Variants in COL23A1 observed in about 807,000 individuals in gnomAD.
The protein encoded by COL23A1 is collagen type XXIII alpha 1 chain.
In COL23A1, 97 loss-of-function variants were observed where a neutral mutation model predicts 99.3. The observed-to-expected ratio is 0.98, with a 90% CI of 0.83 to 1.16. The LOEUF (loss-of-function observed/expected upper bound fraction) is 1.16, where lower values mean the gene tolerates loss of function less well. Among genes scored for constraint, COL23A1 ranks in the 50% most tolerant of loss-of-function variants. The probability of loss-of-function intolerance (pLI) is 0.00; values close to 1 mark genes in which losing one functional copy is unlikely to be tolerated. For missense variants in COL23A1, 762 were observed against 757.4 expected (o/e 1.01, Z -0.07); for synonymous variants, 320 against 308.2 (o/e 1.04, Z -0.40).
chr5:178,389,547 C>G (rs1763854198), intron 2 of COL23A1, among the ~76,000 whole-genome samples: 1 of 152,220 alleles, frequency 6.6e-6, no homozygotes, highest in Non-Finnish European at 1.5e-5. Context: ...ACAGAGGGTG[C>G]CCACTGACAC....
At chr5:178,248,424 G>A (rs1764831931) in intron 19 of COL23A1, among the ~76,000 whole-genome samples, 170 bp from the exon 20 acceptor site, 1 of 152,170 alleles carries the variant, frequency 6.6e-6, no homozygotes, top group South Asian at 2.1e-4. Flanking sequence ...CCCGGGTGGT[G>A]GGCAGTGTGG....
At chr5:178,569,728 T>C (rs1306592442) in intron 1 of COL23A1, among the ~76,000 whole-genome samples, 1 of 152,188 alleles carries the variant, frequency 6.6e-6, no homozygotes, top group East Asian at 1.9e-4. Context: ...CAAGTTCATG[T>C]GGTTCCTCCT....
At chr5:178,286,948 C>T (rs569547991) in intron 5 of COL23A1, among the ~76,000 whole-genome samples, 11 of 152,352 alleles carry the variant, frequency 7.2e-5, no homozygotes, top group Admixed American at 1.3e-4. Flanking sequence ...CAGAGTAACC[C>T]GGGGTGAAGG....
At chr5:178,539,664 C>T (rs1761185170) in intron 2 of COL23A1, among the ~76,000 whole-genome samples, 1 of 151,672 alleles carries the variant, frequency 6.6e-6, no homozygotes, top group Non-Finnish European at 1.5e-5. Context: ...AAATTCTAGG[C>T]CTGGATATTT....
At position 178,280,517 on chromosome 5, in the gene COL23A1, T is replaced by C. The variant is rs1216075615; in HGVS notation, c.441+7807A>G. 6.6e-6 allele frequency among the ~76,000 whole-genome samples: 1 copy of C among 152,132 alleles called. No individual in the cohort carries two copies. Among genetic ancestry groups the C allele is most frequent in the East Asian group, 1.9e-4 (1 of 5,198 alleles). ...TGGACATCGTGCCAGCCCTGGGTCC[T>C]GGTCGGGGGCAGCTTCATACCAAAA... is the stretch of plus-strand genomic sequence containing the variant. On this transcript the variant is annotated intron_variant, in intron 5 of 28. Transcript: ENST00000390654. The surrounding 1 kb of genome is among the most constrained non-coding windows in gnomAD (Gnocchi z 4.9).
intron 2 of COL23A1, among the ~76,000 whole-genome samples, chr5:178,492,333 C>A (rs148339180): frequency 6.6e-6 from 1 of 152,066 alleles, no homozygotes; most frequent in East Asian, 1.9e-4. Context: ...CCTACCCCAA[C>A]GGGACCAGTG....
At chr5:178,242,293 C>CTCCT in intron 26 of COL23A1, 48 bp downstream of exon 26, 2 of 1,595,168 alleles carry the variant, frequency 1.3e-6, no homozygotes, top group Non-Finnish European at 1.7e-6. Flanking sequence ...TCCCACCTGC[C>CTCCT]TCCTTCCCCC....
chr5:178,444,537 G>A (rs111783876), intron 2 of COL23A1, among the ~76,000 whole-genome samples: 4,214 of 152,242 alleles, frequency 0.028, 196 homozygotes, highest in African/African-American at 0.095. Context: ...GCTTACAGCT[G>A]TAATCCCAGC....
At chr5:178,491,219 G>T (rs2127969716) in intron 2 of COL23A1, among the ~76,000 whole-genome samples, 1 of 152,208 alleles carries the variant, frequency 6.6e-6, no homozygotes, top group Non-Finnish European at 1.5e-5. Context: ...ACAGTGTGTT[G>T]TTCCCAGAAC....
At chr5:178,514,192 C>T (rs1360717991) in intron 2 of COL23A1, among the ~76,000 whole-genome samples, 1 of 152,196 alleles carries the variant, frequency 6.6e-6, no homozygotes, top group Non-Finnish European at 1.5e-5. Context: ...TTATTTCACT[C>T]AGCATGATGT....
chr5:178,311,750 A>G (rs1758701927), intron 2 of COL23A1, among the ~76,000 whole-genome samples: 2 of 116,638 alleles, frequency 1.7e-5, no homozygotes, highest in Non-Finnish European at 1.7e-5. Flanking sequence ...TTTTTTTTTG[A>G]GACGGAGTCT....
chr5:178,542,590 G>A (rs1436851187), intron 2 of COL23A1, among the ~76,000 whole-genome samples: 2 of 152,120 alleles, frequency 1.3e-5, no homozygotes, highest in African/African-American at 2.4e-5. Flanking sequence ...CTCTTACATC[G>A]GAAAGGGTGA....
rs972978147 is a variant in COL23A1 at position 178,535,220 on chromosome 5, C to T, written c.361+25462G>A. On this transcript the variant is annotated intron_variant, in intron 2 of 28. Transcript: ENST00000390654. Reference sequence around the variant, plus strand: ...AACTCCGGACCTCAAGTGATCTGCCCGCCTCAGCCTCCCAAAGTGCTGGGA... The same window carrying T: ...AACTCCGGACCTCAAGTGATCTGCCTGCCTCAGCCTCCCAAAGTGCTGGGA... Among the ~76,000 whole-genome samples the T allele has an allele frequency of 4.2e-4, 64 of 152,246 alleles. 1 individual carries two copies. Among genetic ancestry groups the T allele is most frequent in the Admixed American group, 9.2e-4 (14 of 15,288 alleles).
At chr5:178,264,862 T>C (rs1755786835) in intron 8 of COL23A1, among the ~76,000 whole-genome samples, 2 of 152,188 alleles carry the variant, frequency 1.3e-5, no homozygotes, top group Admixed American at 1.3e-4. Context: ...GCCAGGCTGG[T>C]TTCGAACTCC....
At chr5:178,367,632 G>A (rs1008418221) in intron 2 of COL23A1, among the ~76,000 whole-genome samples, 1 of 152,212 alleles carries the variant, frequency 6.6e-6, no homozygotes, top group African/African-American at 2.4e-5. Flanking sequence ...AACCAAGGAC[G>A]AGCAGGCTGC....
At chr5:178,453,117 T>A (rs1767580892) in intron 2 of COL23A1, among the ~76,000 whole-genome samples, 1 of 151,700 alleles carries the variant, frequency 6.6e-6, no homozygotes. Flanking sequence ...AGGGAAAGGA[T>A]CTCCATGACA....
chr5:178,526,540 A>G (rs1317470328), intron 2 of COL23A1, among the ~76,000 whole-genome samples: 1 of 152,210 alleles, frequency 6.6e-6, no homozygotes, highest in Non-Finnish European at 1.5e-5. Context: ...TGAAACCAGT[A>G]AACTCCAGAG....
chr5:178,496,874 T>C (rs1481364536), intron 2 of COL23A1, among the ~76,000 whole-genome samples: 1 of 152,218 alleles, frequency 6.6e-6, no homozygotes, highest in Non-Finnish European at 1.5e-5. Flanking sequence ...AAATTTCTCA[T>C]GTGAAATCTT....
rs182836416 is a variant in COL23A1 at position 178,546,056 on chromosome 5, G to C, written c.361+14626C>G. The stretch of plus-strand genomic sequence containing the variant: ...AGGCACCCTAGATTCCAAGGAGCCG[G>C]GAGGCTGCCCGGGAGGTGCTCACCC... On this transcript the variant is annotated intron_variant, in intron 2 of 28. Transcript: ENST00000390654. 4.0e-3 allele frequency among the ~76,000 whole-genome samples: 605 copies of C among 152,010 alleles called. 4 individuals carry two copies. The highest frequency in any genetic ancestry group is 0.014 in the African/African-American group (582 of 41,466).
Sources: gnomAD v4.1 joint callset for allele counts (sites outside exome capture counted in the v4.1 genomes callset) on GRCh38, gnomAD v4.1.1 for gene constraint, Gnocchi (gnomAD v3.1) non-coding constraint, MANE v1.5 for transcripts, NCBI Gene and HGNC (gene_info 2026-07-23, HGNC 2026-07-21) for gene names.